Variants in PRUNE2 observed in about 807,000 individuals in gnomAD.
The protein encoded by PRUNE2 is protein prune homolog 2.
Under a neutral mutation model 252.0 loss-of-function variants are expected in PRUNE2, and 164 were observed. The ratio of observed to expected loss-of-function variants is 0.65; its 90% CI spans 0.57 to 0.74. PRUNE2 has a LOEUF of 0.74. PRUNE2 is among the 30% of genes least tolerant of loss of function. PRUNE2 has a pLI of 0.00. For missense variants in PRUNE2, 3,495 were observed against 3,711.0 expected (o/e 0.94, Z 1.51); for synonymous variants, 1,292 against 1,350.2 (o/e 0.96, Z 0.94).
At chr9:76,767,335 C>T (rs759854154) in intron 6 of PRUNE2, among the ~76,000 whole-genome samples, 1 of 152,018 alleles carries the variant, frequency 6.6e-6, no homozygotes, top group Non-Finnish European at 1.5e-5. Context: ...CCTGTAATCC[C>T]AGCTACTCGA....
chr9:76,724,443 C>T (rs2047930407), intron 6 of PRUNE2, among the ~76,000 whole-genome samples: 1 of 151,292 alleles, frequency 6.6e-6, no homozygotes, highest in African/African-American at 2.4e-5. Context: ...CATCACTGCA[C>T]TCCAACCTGG....
intron 4 of PRUNE2, among the ~76,000 whole-genome samples, chr9:76,844,994 C>A (rs546498749): frequency 1.4e-4 from 17 of 124,712 alleles, no homozygotes; most frequent in African/African-American, 4.2e-4. Flanking sequence ...TGAGACCCCC[C>A]TCTCTTAAAA....
chr9:76,823,859 T>G (rs1390997941), intron 5 of PRUNE2, 133 bp from the exon 6 acceptor site: 6 of 617,646 alleles, frequency 9.7e-6, no homozygotes, highest in Non-Finnish European at 1.7e-5. Flanking sequence ...TTATCCACAA[T>G]AAACACACAC....
At chr9:76,789,342 G>A (rs1564309082) in intron 6 of PRUNE2, among the ~76,000 whole-genome samples, 1 of 152,172 alleles carries the variant, frequency 6.6e-6, no homozygotes, top group Non-Finnish European at 1.5e-5. Flanking sequence ...GGGGCTTGAA[G>A]AGGTTTTGAC....
chr9:76,663,501 C>G (rs1234502770), intron 9 of PRUNE2, among the ~76,000 whole-genome samples: 2 of 151,788 alleles, frequency 1.3e-5, no homozygotes, highest in Admixed American at 6.6e-5. Context: ...CCTCCTTACC[C>G]AGGGTCAGAT....
chr9:76,704,836 G>T lies in PRUNE2; in HGVS notation c.7438C>A (p.Pro2480Thr), dbSNP rs369583527. The T allele has an allele frequency of 6.3e-7, 1 of 1,594,424 alleles. No homozygotes were observed. Among genetic ancestry groups the T allele is most frequent in the Admixed American group, 1.7e-5 (1 of 57,270 alleles). Residue 2480 changes from proline (P) to threonine (T), a missense_variant, in exon 8 of 19, where the codon CCA becomes ACA. Physicochemically the swap from Pro to Thr is conservative, Grantham distance 38. Transcript: ENST00000376718. Reference protein sequence around the residue: ...PVGAGSNILSPSNVDWEVETD... With the variant: ...PVGAGSNILSTSNVDWEVETD... Reference sequence around the variant, plus strand: ...TCTACTTCCCAGTCAACGTTTGATGGAGACAAAATGTTGGAGCCTGCTCCT... The same window carrying T: ...TCTACTTCCCAGTCAACGTTTGATGTAGACAAAATGTTGGAGCCTGCTCCT...
Position 76,706,601 on chromosome 9 carries a change from A to C in PRUNE2, c.5673T>G (p.His1891Gln), listed in dbSNP as rs776212514. 2 of 1,613,914 alleles carry C rather than the reference A, an allele frequency of 1.2e-6. No homozygotes were observed. Among genetic ancestry groups the C allele is most frequent in the South Asian group, 2.2e-5 (2 of 91,072 alleles). The change falls in exon 8 of 19, where the codon CAT becomes CAG. Residue 1891 changes from histidine (H) to glutamine (Q), a missense_variant. His to Gln is a conservative substitution (Grantham distance 24). Coordinates refer to ENST00000376718, the MANE Select transcript of PRUNE2 (RefSeq NM_015225.3). ...THYTNPFSDN[H>Q]QSPFLEGNGK... ...CATTACCTTCCAGAAAGGGTGACTG[A>C]TGGTTGTCACTAAAAGGATTAGTAT...
chr9:76,749,630 T>A (rs894529957), intron 6 of PRUNE2, among the ~76,000 whole-genome samples: 2 of 152,212 alleles, frequency 1.3e-5, no homozygotes, highest in African/African-American at 4.8e-5. Context: ...ACCCTGCAAA[T>A]AAATGCCCTC....
chr9:76,668,992 C>A (rs867217383), intron 9 of PRUNE2, among the ~76,000 whole-genome samples: 1 of 151,404 alleles, frequency 6.6e-6, no homozygotes, highest in South Asian at 2.1e-4. Flanking sequence ...AGTCATCCCT[C>A]TGTGTGTGTG....
At chr9:76,757,440 C>T (rs1034196340) in intron 6 of PRUNE2, among the ~76,000 whole-genome samples, 2 of 152,098 alleles carry the variant, frequency 1.3e-5, no homozygotes, top group African/African-American at 2.4e-5. Flanking sequence ...GCTTTTTACT[C>T]GTATGTAAAT....
chr9:76,879,587 A>G (rs2061645402), intron 1 of PRUNE2, among the ~76,000 whole-genome samples: 1 of 151,836 alleles, frequency 6.6e-6, no homozygotes, highest in Non-Finnish European at 1.5e-5. Flanking sequence ...TATTAAGAAG[A>G]AAAAAATAAC....
At chr9:76,637,620 A>G in intron 13 of PRUNE2, 71 bp from the exon 14 acceptor site, 1 of 1,387,368 alleles carries the variant, frequency 7.2e-7, no homozygotes, top group African/African-American at 1.4e-5. Context: ...CATAACATCA[A>G]AAGTACAGGG....
chr9:76,823,291 G>T (rs2058140401), intron 6 of PRUNE2: 1 of 195,796 alleles, frequency 5.1e-6, no homozygotes, highest in Non-Finnish European at 1.0e-5. Context: ...GAACAATACA[G>T]GGTGGTACAC....
At position 76,871,532 on chromosome 9, in the gene PRUNE2, C is replaced by T. The variant is rs559858606; in HGVS notation, c.37-17324G>A. On this transcript the variant is annotated intron_variant, in intron 1 of 18. Coordinates refer to ENST00000376718, the MANE Select transcript of PRUNE2 (RefSeq NM_015225.3). ...CTTTGGTAATCCTGGGCCTCCAAGG[C>T]CCTGCTCAGCCCTTCCTCACTCTAT... 3.8e-4 allele frequency among the ~76,000 whole-genome samples: 58 copies of T among 152,348 alleles called. No individual in the cohort carries two copies. In the Middle Eastern group the frequency reaches 0.02, roughly 54 times the overall value.
At chr9:76,668,139 A>G (rs1482029768) in intron 9 of PRUNE2, among the ~76,000 whole-genome samples, 3 of 152,240 alleles carry the variant, frequency 2.0e-5, no homozygotes, top group Admixed American at 6.5e-5. Context: ...GTAGTCATCA[A>G]AATTTTAAAT....
chr9:76,702,148 C>T (rs945768744), intron 9 of PRUNE2, among the ~76,000 whole-genome samples: 1 of 151,914 alleles, frequency 6.6e-6, no homozygotes, highest in Non-Finnish European at 1.5e-5. Context: ...CAACCTCCAC[C>T]TCCCAGGTTC....
chr9:76,832,105 A>T (rs866815340), intron 4 of PRUNE2, among the ~76,000 whole-genome samples: 1 of 152,158 alleles, frequency 6.6e-6, no homozygotes, highest in Non-Finnish European at 1.5e-5. Context: ...ATAGCTTCTA[A>T]ATATATAAAG....
At chr9:76,738,676 C>T (rs2049296722) in intron 6 of PRUNE2, 1 of 152,196 alleles carries the variant, frequency 6.6e-6, no homozygotes, top group Non-Finnish European at 1.5e-5. Context: ...GGCTCACTGA[C>T]ACTCTCTGAA....
chr9:76,707,827 G>A lies in PRUNE2; in HGVS notation c.4447C>T (p.His1483Tyr). ...AAATCAAGACTTCGGGGAACTCTGTGAGGTGGCCCTCCACCCACGTTCTCT... is the reference window on the plus strand; with the variant it reads ...AAATCAAGACTTCGGGGAACTCTGTAAGGTGGCCCTCCACCCACGTTCTCT... ...EPENVGGGPP[H>Y]RVPRSLDFGD... The change falls in exon 8 of 19, where the codon CAC becomes TAC. Residue 1483 changes from histidine (H) to tyrosine (Y), a missense_variant. Transcript: ENST00000376718. The A allele has an allele frequency of 6.2e-7, 1 of 1,613,582 alleles. No homozygotes were observed. Among genetic ancestry groups the A allele is most frequent in the Non-Finnish European group, 8.5e-7 (1 of 1,179,728 alleles).
Sources: allele counts gnomAD v4.1 joint callset (sites outside exome capture counted in the v4.1 genomes callset), GRCh38; gene constraint gnomAD v4.1.1; transcripts MANE v1.5; gene names NCBI Gene and HGNC (gene_info 2026-07-23, HGNC 2026-07-21).